Variants in CCDC171 observed in about 807,000 individuals in gnomAD.
CCDC171 encodes the protein coiled-coil domain-containing protein 171.
Under a neutral mutation model 168.2 loss-of-function variants are expected in CCDC171, and 177 were observed. That is an observed-to-expected ratio of 1.05 (90% confidence interval 0.93 to 1.19). CCDC171 has a LOEUF of 1.19. Among genes scored for constraint, CCDC171 ranks in the 50% most tolerant of loss-of-function variants. CCDC171 has a pLI of 0.00. For synonymous variants in CCDC171, 687 were observed against 540.8 expected (o/e 1.27, Z -3.75); for missense variants, 1,991 against 1,539.0 (o/e 1.29, Z -4.91).
intron 21 of CCDC171, among the ~76,000 whole-genome samples, chr9:15,809,323 C>G (rs578261652): frequency 6.6e-6 from 1 of 152,212 alleles, no homozygotes; most frequent in African/African-American, 2.4e-5. Context: ...CCACGTGTGG[C>G]TATTGAAATT....
At chr9:15,733,284 G>A (rs1391205892) in intron 16 of CCDC171, among the ~76,000 whole-genome samples, 1 of 151,966 alleles carries the variant, frequency 6.6e-6, no homozygotes, top group Admixed American at 6.6e-5. Context: ...CAAAGCAAAT[G>A]TTTCAAATTT....
intron 1 of CCDC171, chr9:16,060,630 G>T (rs570755147): frequency 6.6e-6 from 1 of 152,146 alleles, no homozygotes; most frequent in South Asian, 2.1e-4. Flanking sequence ...TTCTTGCTTT[G>T]TGCTGCTTCT....
chr9:16,097,191 G>A, the CCDC171 span, among the ~76,000 whole-genome samples: 1 of 152,134 alleles, frequency 6.6e-6, no homozygotes, highest in East Asian at 1.9e-4. Flanking sequence ...AGGTGTCAAG[G>A]TAAAACCATA....
chr9:15,794,405 T>C (rs2058441637), intron 21 of CCDC171, among the ~76,000 whole-genome samples: 1 of 151,966 alleles, frequency 6.6e-6, no homozygotes, highest in East Asian at 1.9e-4. Context: ...GCAGAGGTTG[T>C]AGTGAGCCTA....
At chr9:15,591,325 A>G in intron 4 of CCDC171, 41 bp from the exon 5 acceptor site, 1 of 1,298,804 alleles carries the variant, frequency 7.7e-7, no homozygotes, top group South Asian at 1.4e-5. Flanking sequence ...TTGTTATTTA[A>G]TTCATGGTTG....
chr9:15,718,350 G>A (rs2053226263), intron 11 of CCDC171, among the ~76,000 whole-genome samples: 1 of 152,224 alleles, frequency 6.6e-6, no homozygotes. Flanking sequence ...CCAACACCAG[G>A]CCTTGGCTTC....
Position 15,734,533 on chromosome 9 carries a change from C to T in CCDC171, c.2049+4735C>T, listed in dbSNP as rs568516750. Among the ~76,000 whole-genome samples the T allele has an allele frequency of 3.2e-4, 49 of 152,014 alleles. No homozygotes were observed. In the East Asian group the frequency reaches 8.5e-3, roughly 26 times the overall value. On this transcript the variant is annotated intron_variant, in intron 16 of 25. Coordinates refer to ENST00000380701, the MANE Select transcript of CCDC171 (RefSeq NM_173550.4). ...AGCCTGGGCGAAACTCCAACAAGAG[C>T]GAAACTCCATTTAAAAATAAATAAA...
intron 6 of CCDC171, among the ~76,000 whole-genome samples, chr9:15,599,612 T>TC (rs2042668525): frequency 6.6e-6 from 1 of 152,316 alleles, no homozygotes; most frequent in Non-Finnish European, 1.5e-5. Context: ...TTGGTGAATC[T>TC]GACAATTATG....
chr9:15,942,958 G>A (rs1358691731), intron 25 of CCDC171, among the ~76,000 whole-genome samples: 2 of 151,942 alleles, frequency 1.3e-5, no homozygotes, highest in Non-Finnish European at 2.9e-5. Context: ...GCCCACCTGA[G>A]AATAGCTCTG....
intron 7 of CCDC171, among the ~76,000 whole-genome samples, chr9:15,656,546 T>C (rs927446510): frequency 2.6e-5 from 4 of 152,202 alleles, no homozygotes; most frequent in Non-Finnish European, 4.4e-5. Context: ...GGAACACTAT[T>C]TAACAGTGAA....
At chr9:15,669,446 A>T (rs2048956606) in intron 9 of CCDC171, among the ~76,000 whole-genome samples, 1 of 152,300 alleles carries the variant, frequency 6.6e-6, no homozygotes, top group South Asian at 2.1e-4. Flanking sequence ...CCATTAACTC[A>T]GGCATTTATC....
chr9:15,584,075 G>A (rs1483422765), intron 4 of CCDC171, among the ~76,000 whole-genome samples: 1 of 152,092 alleles, frequency 6.6e-6, no homozygotes, highest in Non-Finnish European at 1.5e-5. Context: ...CACCATCTTG[G>A]CCAGGCGGAT....
In CCDC171 at chr9:15,920,395, T is replaced by C. The variant is rs1175364523; in HGVS notation, c.3726T>C (p.Cys1242=). 7 of 1,607,312 alleles carry C rather than the reference T, an allele frequency of 4.4e-6. No homozygotes were observed. Among genetic ancestry groups the C allele is most frequent in the Non-Finnish European group, 6.0e-6 (7 of 1,176,010 alleles). The part of the protein sequence containing the change: ...AALKSELHTA[C]LRENASLQSI... ...TGAAATCAGAACTTCACACAGCTTG[T>C]TTACGTGAAAATGCAAGTTTACAAT... The change falls in exon 25 of 26, where the codon TGT becomes TGC. Residue 1242 remains cysteine, a synonymous_variant. Coordinates refer to ENST00000380701, the MANE Select transcript of CCDC171 (RefSeq NM_173550.4).
intron 4 of CCDC171, among the ~76,000 whole-genome samples, chr9:15,590,802 TTTCTTTCTTTCTTTC>T (rs2041941979): frequency 6.7e-6 from 1 of 149,432 alleles, no homozygotes; most frequent in African/African-American, 2.5e-5. Context: ...TCTTTCTTTC[TTTCTTTCTTTCTTTC>T]TTTCTTTCTT....
intron 6 of CCDC171, among the ~76,000 whole-genome samples, chr9:16,033,735 C>T (rs181856125): frequency 1.3e-3 from 200 of 152,116 alleles, no homozygotes; most frequent in African/African-American, 4.5e-3. Flanking sequence ...AAACCAGTCC[C>T]TGGTGCCGAA....
At chr9:16,079,288 G>T in the CCDC171 span, among the ~76,000 whole-genome samples, 1 of 152,118 alleles carries the variant, frequency 6.6e-6, no homozygotes, top group Non-Finnish European at 1.5e-5. Flanking sequence ...GCTCCAATTC[G>T]TACGTGGAAA....
intron 18 of CCDC171, among the ~76,000 whole-genome samples, chr9:15,749,211 G>T (rs149176510): frequency 9.9e-5 from 15 of 150,816 alleles, no homozygotes; most frequent in African/African-American, 3.6e-4. Context: ...AACAAAGATC[G>T]AAAGAGACAA....
At chr9:15,759,684 A>T (rs1192778605) in intron 18 of CCDC171, among the ~76,000 whole-genome samples, 2 of 152,150 alleles carry the variant, frequency 1.3e-5, no homozygotes, top group Non-Finnish European at 2.9e-5. Context: ...GATTAGATTC[A>T]GCTTGTGCAT....
intron 4 of CCDC171, chr9:15,588,544 A>G (rs2041746825): frequency 2.9e-6 from 1 of 346,506 alleles, no homozygotes; most frequent in Non-Finnish European, 5.8e-6. Context: ...GGAGGGGAAG[A>G]ATCCTGCAGG....
Sources: allele counts gnomAD v4.1 joint callset (sites outside exome capture counted in the v4.1 genomes callset), GRCh38; gene constraint gnomAD v4.1.1; transcripts MANE v1.5; gene names NCBI Gene and HGNC (gene_info 2026-07-23, HGNC 2026-07-21).